Variants in PRKCQ observed in about 807,000 individuals in gnomAD.
PRKCQ encodes the protein protein kinase C theta type.
Under a neutral mutation model 91.2 loss-of-function variants are expected in PRKCQ, and 41 were observed. The observed-to-expected ratio is 0.45, with a 90% CI of 0.35 to 0.58. The LOEUF (loss-of-function observed/expected upper bound fraction) is 0.58, where lower values mean the gene tolerates loss of function less well. Among genes scored for constraint, PRKCQ ranks in the 20% least tolerant of loss-of-function variants. PRKCQ has a pLI of 0.00. For synonymous variants in PRKCQ, 307 were observed against 316.9 expected (o/e 0.97, Z 0.33); for missense variants, 673 against 896.5 (o/e 0.75, Z 3.18).
the PRKCQ span, among the ~76,000 whole-genome samples, chr10:6,405,831 C>T: frequency 6.9e-3 from 1,056 of 152,314 alleles, 36 homozygotes; most frequent in Admixed American, 0.05. Flanking sequence ...ATGACTGGTG[C>T]ACCCATGTGC....
At chr10:6,413,046 G>A in the PRKCQ span, among the ~76,000 whole-genome samples, 1 of 152,108 alleles carries the variant, frequency 6.6e-6, no homozygotes, top group Non-Finnish European at 1.5e-5. Context: ...TCCGCCTCCT[G>A]GGTTCACGCC....
downstream of PRKCQ, among the ~76,000 whole-genome samples, chr10:6,425,413 G>A (rs779213974): frequency 1.8e-4 from 28 of 151,902 alleles, no homozygotes; most frequent in Non-Finnish European, 3.8e-4. Context: ...TTTAGTAGAC[G>A]GGGTTTCACC....
the PRKCQ span, among the ~76,000 whole-genome samples, chr10:6,420,138 A>G: frequency 6.6e-6 from 1 of 152,018 alleles, no homozygotes; most frequent in Non-Finnish European, 1.5e-5. Context: ...ATAGGTGCGC[A>G]CTACCACACC....
At chr10:6,573,928 G>A (rs937990089) in intron 1 of PRKCQ, among the ~76,000 whole-genome samples, 5 of 152,150 alleles carry the variant, frequency 3.3e-5, no homozygotes, top group Non-Finnish European at 7.4e-5. Context: ...ACTAGCCTGG[G>A]CAACATGACA....
At position 6,536,378 on chromosome 10, in the gene PRKCQ, C is replaced by A. The variant is rs1440703913; in HGVS notation, c.-9-21234G>T. Among the ~76,000 whole-genome samples the A allele has an allele frequency of 2.0e-5, 3 of 152,164 alleles. No individual in the cohort carries two copies. In the East Asian group the frequency reaches 5.8e-4, roughly 29 times the overall value. ...ATGCCCTTGACTGCCTGAGCCCGGG[C>A]TCTGACATGGGAGGGATGTCCACTG... is the stretch of plus-strand genomic sequence containing the variant. On this transcript the variant is annotated intron_variant, in intron 1 of 17. Transcript: ENST00000263125.
intron 8 of PRKCQ, 49 bp downstream of exon 8, chr10:6,491,634 T>A (rs1165833650): frequency 3.3e-5 from 53 of 1,603,626 alleles, no homozygotes; most frequent in Non-Finnish European, 4.5e-5. Context: ...CCTTGCTCCA[T>A]CCCCTAGGGG....
intron 1 of PRKCQ, among the ~76,000 whole-genome samples, chr10:6,535,819 T>C (rs559343706): frequency 5.3e-5 from 8 of 152,300 alleles, no homozygotes; most frequent in Admixed American, 5.2e-4. Flanking sequence ...AAATAAGCTC[T>C]ATGCTTTGGA....
the PRKCQ span, among the ~76,000 whole-genome samples, chr10:6,399,695 T>C: frequency 6.6e-6 from 1 of 152,164 alleles, no homozygotes; most frequent in Non-Finnish European, 1.5e-5. Context: ...TCAAGCAATT[T>C]AGACTTTCAG....
rs567713742 is a variant in PRKCQ, at chr10:6,508,142, C to T, written c.319-646G>A. Among the ~76,000 whole-genome samples, 13 of 152,036 alleles carry T rather than the reference C, an allele frequency of 8.6e-5. No homozygotes were observed. The South Asian group carries it at 1.0e-3, about 12-fold the overall frequency. Reference sequence around the variant, plus strand: ...TACTGTATTATTATGTAGAAGAGGGCGGAACAAAGTGTCATTTTAAGGGAT... The same window carrying T: ...TACTGTATTATTATGTAGAAGAGGGTGGAACAAAGTGTCATTTTAAGGGAT... On this transcript the variant is annotated intron_variant, in intron 3 of 17. Transcript: ENST00000263125.
intron 4 of PRKCQ, among the ~76,000 whole-genome samples, chr10:6,501,277 A>C (rs1384116260): frequency 6.6e-6 from 1 of 152,082 alleles, no homozygotes; most frequent in African/African-American, 2.4e-5. Flanking sequence ...AGGAGGTAAA[A>C]AGGTGAAAAA....
intron 12 of PRKCQ, among the ~76,000 whole-genome samples, chr10:6,472,309 GAAAA>G (rs1176733174): frequency 6.6e-6 from 1 of 151,478 alleles, no homozygotes; most frequent in Non-Finnish European, 1.5e-5. Context: ...CTCCATCTCA[GAAAA>G]AAACAAACAA....
chr10:6,405,426 C>A, the PRKCQ span, among the ~76,000 whole-genome samples: 1 of 152,232 alleles, frequency 6.6e-6, no homozygotes. Flanking sequence ...TCTCCTTTTG[C>A]GTCCTGGACC....
chr10:6,453,426 G>T lies in PRKCQ; in HGVS notation c.1647+3248C>A, dbSNP rs550716808. On this transcript the variant is annotated intron_variant, in intron 15 of 17. Coordinates refer to ENST00000263125, the MANE Select transcript of PRKCQ (RefSeq NM_006257.5). The stretch of plus-strand genomic sequence containing the variant: ...ATTAAAAAGTCAGGAAACAACAGAT[G>T]CTGGAGAGGATGTGGAGAAATAGGA... Among the ~76,000 whole-genome samples, 218 of 152,344 alleles carry T rather than the reference G, an allele frequency of 1.4e-3. 1 individual carries two copies. The highest frequency in any genetic ancestry group is 1.3e-3 in the Non-Finnish European group (90 of 68,036).
intron 1 of PRKCQ, among the ~76,000 whole-genome samples, chr10:6,558,472 CTAAAG>C: frequency 6.6e-6 from 1 of 152,182 alleles, no homozygotes; most frequent in South Asian, 2.1e-4. Context: ...GTTAGCTTGA[CTAAAG>C]TAAAGATGAC....
chr10:6,416,588 C>T, the PRKCQ span, among the ~76,000 whole-genome samples: 1 of 152,006 alleles, frequency 6.6e-6, no homozygotes, highest in Non-Finnish European at 1.5e-5. Flanking sequence ...GTATATAGAC[C>T]ACATTTTCTT....
chr10:6,521,921 T>C (rs1839023205), intron 1 of PRKCQ, among the ~76,000 whole-genome samples: 1 of 95,986 alleles, frequency 1.0e-5, no homozygotes, highest in African/African-American at 3.5e-5. Flanking sequence ...TGTTATGTTA[T>C]GTTATTTATT....
chr10:6,493,287 G>T (rs1413234787), intron 7 of PRKCQ, among the ~76,000 whole-genome samples: 1 of 93,856 alleles, frequency 1.1e-5, no homozygotes, highest in Non-Finnish European at 2.1e-5. Flanking sequence ...AATTACTTAA[G>T]ATATCTGAAT....
downstream of PRKCQ, among the ~76,000 whole-genome samples, chr10:6,424,595 T>G (rs1833074618): frequency 6.6e-6 from 1 of 152,230 alleles, no homozygotes; most frequent in African/African-American, 2.4e-5. Flanking sequence ...AGGCTGATGC[T>G]TCCTCTGTTG....
chr10:6,405,747 A>G, the PRKCQ span, among the ~76,000 whole-genome samples: 1 of 152,178 alleles, frequency 6.6e-6, no homozygotes. Context: ...GTCTAGAGGA[A>G]GCTGATTGCT....
Sources: gnomAD v4.1 joint callset for allele counts (sites outside exome capture counted in the v4.1 genomes callset) on GRCh38, gnomAD v4.1.1 for gene constraint, MANE v1.5 for transcripts, NCBI Gene and HGNC (gene_info 2026-07-23, HGNC 2026-07-21) for gene names.